MAP2K4: variants seen among roughly 807,000 people sequenced by gnomAD.
The protein encoded by MAP2K4 is mitogen-activated protein kinase kinase 4, also known as dual specificity mitogen-activated protein kinase kinase 4.
Under a neutral mutation model 48.5 loss-of-function variants are expected in MAP2K4, and 4 were observed. That is an observed-to-expected ratio of 0.08 (90% CI 0.04 to 0.19). The LOEUF is 0.19. Ranked by LOEUF, MAP2K4 falls within the 10% of genes least tolerant of loss-of-function variation. MAP2K4 has a pLI of 1.00. For missense variants in MAP2K4, 258 were observed against 493.3 expected, an observed-to-expected ratio of 0.52 and a Z score of 4.52; for synonymous variants, 166 against 173.1, an observed-to-expected ratio of 0.96 and a Z score of 0.32.
intron 8 of MAP2K4, among the ~76,000 whole-genome samples, chr17:12,128,491 G>A (rs74616016): frequency 2.3e-4 from 35 of 151,932 alleles, no homozygotes; most frequent in African/African-American, 7.7e-4. Context: ...TGGGACATAC[G>A]TAAGACTCTT....
intron 7 of MAP2K4, chr17:12,125,060 T>C (rs1972812679): frequency 2.1e-6 from 1 of 475,402 alleles, no homozygotes; most frequent in East Asian, 3.3e-5. Flanking sequence ...TTTGAGTCTT[T>C]GAGGGGAATA....
rs1304915457 is a variant in MAP2K4 at position 12,142,749 on chromosome 17, G to T, written c.*1489G>T. 4.3e-6 allele frequency: 1 copy of T among 232,840 alleles called. No homozygotes were observed. The highest frequency in any genetic ancestry group is 8.5e-6 in the Non-Finnish European group (1 of 117,848). 14.4% of individuals were successfully genotyped at this position (232,840 alleles called of 1,614,324 possible). Reference sequence around the variant, plus strand: ...ACAAGAGGCCATTTAAGTATCTTGTGCTTCTTCACTTACCCATTAGCCAGG... The same window carrying T: ...ACAAGAGGCCATTTAAGTATCTTGTTCTTCTTCACTTACCCATTAGCCAGG... On this transcript the variant is annotated 3_prime_UTR_variant, in exon 11 of 11. Transcript: ENST00000353533.
chr17:12,110,056 A>G (rs1256460078), intron 5 of MAP2K4, among the ~76,000 whole-genome samples: 1 of 152,056 alleles, frequency 6.6e-6, no homozygotes, highest in Non-Finnish European at 1.5e-5. Flanking sequence ...CAAAATAAAA[A>G]GGGAAAAAAA....
chr17:12,045,644 T>G (rs970256), intron 1 of MAP2K4, among the ~76,000 whole-genome samples: 143,838 of 152,284 alleles, frequency 0.94, 68,464 homozygotes, highest in East Asian at 1. Flanking sequence ...CTTGTTCTTG[T>G]TACATTGTGA....
At chr17:12,062,429 G>A (rs1482329065) in intron 2 of MAP2K4, among the ~76,000 whole-genome samples, 2 of 152,060 alleles carry the variant, frequency 1.3e-5, no homozygotes, top group African/African-American at 2.4e-5. Context: ...TGAACCACTG[G>A]ACTCAAGTGA....
At chr17:12,117,310 C>T (rs1230866737) in intron 7 of MAP2K4, among the ~76,000 whole-genome samples, 1 of 152,034 alleles carries the variant, frequency 6.6e-6, no homozygotes, top group African/African-American at 2.4e-5. Flanking sequence ...ACGTTACCAA[C>T]ACTAGTGTGA....
At chr17:12,052,846 A>G (rs554786883) in intron 1 of MAP2K4, among the ~76,000 whole-genome samples, 530 of 152,322 alleles carry the variant, frequency 3.5e-3, no homozygotes, top group Non-Finnish European at 6.3e-3. Context: ...GGAGCTTAGT[A>G]TCTTTGGGGA....
At chr17:12,123,043 T>C (rs569066454) in intron 7 of MAP2K4, among the ~76,000 whole-genome samples, 1 of 152,322 alleles carries the variant, frequency 6.6e-6, no homozygotes, top group African/African-American at 2.4e-5. Flanking sequence ...TATTTTGTTA[T>C]TTTTGTGTCT....
intron 1 of MAP2K4, among the ~76,000 whole-genome samples, chr17:12,041,299 G>A (rs550168147): frequency 2.0e-5 from 3 of 152,332 alleles, no homozygotes; most frequent in South Asian, 4.1e-4. Flanking sequence ...AATTATTACA[G>A]TATTACCTTT....
intron 1 of MAP2K4, among the ~76,000 whole-genome samples, chr17:12,033,640 C>A (rs557807282): frequency 5.9e-5 from 9 of 152,136 alleles, no homozygotes; most frequent in African/African-American, 2.2e-4. Context: ...TGATATATAT[C>A]TATATGAAAT....
At chr17:12,092,897 G>A (rs961337185) in intron 3 of MAP2K4, among the ~76,000 whole-genome samples, 1 of 152,082 alleles carries the variant, frequency 6.6e-6, no homozygotes, top group Non-Finnish European at 1.5e-5. Flanking sequence ...GTGGTGGCGG[G>A]CGCCTGTAGT....
chr17:12,138,847 A>G (rs549117510), intron 9 of MAP2K4, among the ~76,000 whole-genome samples: 132 of 152,234 alleles, frequency 8.7e-4, no homozygotes, highest in Non-Finnish European at 1.4e-3. Flanking sequence ...CCTGCCTTGG[A>G]ATGAGGGTCT....
At chr17:12,069,145 C>T (rs905184423) in intron 2 of MAP2K4, among the ~76,000 whole-genome samples, 1 of 152,142 alleles carries the variant, frequency 6.6e-6, no homozygotes. Context: ...GTCTAATGTT[C>T]TGAGAATGCT....
At chr17:12,107,598 C>T (rs541612176) in intron 4 of MAP2K4, among the ~76,000 whole-genome samples, 192 bp from the exon 5 acceptor site, 3 of 151,976 alleles carry the variant, frequency 2.0e-5, no homozygotes, top group African/African-American at 7.2e-5. Context: ...TTGGCTTTAA[C>T]TACATTGTTT....
chr17:12,021,402 C>T (rs1042303730), intron 1 of MAP2K4: 2 of 152,534 alleles, frequency 1.3e-5, no homozygotes, highest in Middle Eastern at 3.4e-3. Flanking sequence ...CGGGCCTGCC[C>T]CCTGGTCCCT....
chr17:12,069,907 A>ATGCATGC, intron 2 of MAP2K4: 4 of 23,454 alleles, frequency 1.7e-4, no homozygotes, highest in Middle Eastern at 0.016. Flanking sequence ...ATATATATAT[A>ATGCATGC]TATATATATA....
chr17:12,052,276 A>G (rs936055598), intron 1 of MAP2K4, among the ~76,000 whole-genome samples: 6 of 152,232 alleles, frequency 3.9e-5, no homozygotes, highest in African/African-American at 1.4e-4. Flanking sequence ...AGATAATTGC[A>G]GATGTCTCTG....
chr17:12,030,684 G>A (rs1236478165), intron 1 of MAP2K4, among the ~76,000 whole-genome samples: 1 of 152,082 alleles, frequency 6.6e-6, no homozygotes, highest in Non-Finnish European at 1.5e-5. Flanking sequence ...AGATCCAACT[G>A]ATTTCTTTTT....
intron 9 of MAP2K4, among the ~76,000 whole-genome samples, chr17:12,131,467 G>A (rs576644609): frequency 1.2e-3 from 180 of 151,282 alleles, no homozygotes; most frequent in Middle Eastern, 3.4e-3. Flanking sequence ...GGCTGATCTC[G>A]AACTTCTGAC....
Sources: gnomAD v4.1 joint callset for allele counts (sites outside exome capture counted in the v4.1 genomes callset) on GRCh38, gnomAD v4.1.1 for gene constraint, MANE v1.5 for transcripts, NCBI Gene and HGNC (gene_info 2026-07-23, HGNC 2026-07-21) for gene names.